The following TMED8 variants were observed in gnomAD, a reference collection of about 807,000 sequenced individuals.
TMED8 encodes the protein protein TMED8.
Under a neutral mutation model 32.7 loss-of-function variants are expected in TMED8, and 15 were observed. That is an observed-to-expected ratio of 0.46 (90% confidence interval 0.31 to 0.71). The LOEUF is 0.71. Ranked by LOEUF, TMED8 falls within the 30% of genes least tolerant of loss-of-function variation. The pLI is 0.06. For synonymous variants in TMED8, 147 were observed against 161.4 expected (o/e 0.91, Z 0.68); for missense variants, 390 against 423.9 (o/e 0.92, Z 0.70).
chr14:77,361,477 T>C (rs1453864442), intron 1 of TMED8, among the ~76,000 whole-genome samples: 1 of 152,220 alleles, frequency 6.6e-6, no homozygotes, highest in Non-Finnish European at 1.5e-5. Flanking sequence ...TACTATAGCT[T>C]TTAATAGAAT....
In TMED8 at chr14:77,345,680, A is replaced by AAG. The variant is rs1163153008; in HGVS notation, c.327+668_327+669insCT. 4.9e-5 allele frequency among the ~76,000 whole-genome samples: 7 copies of AAG among 144,258 alleles called. No homozygotes were observed. In the East Asian group the frequency reaches 1.4e-3, roughly 28 times the overall value. 94.6% of individuals were successfully genotyped at this position (144,258 alleles called of 152,430 possible). ...GTCTCAAAAAAAAAAAAAAAAAAAA[A>AAG]AAATCAAGGCCAGGCACAGTGGCTC... On this transcript the variant is annotated intron_variant, in intron 3 of 5. Coordinates refer to ENST00000216468, the MANE Select transcript of TMED8 (RefSeq NM_213601.3).
At chr14:77,361,704 TAG>T (rs56044080) in intron 1 of TMED8, among the ~76,000 whole-genome samples, 109,232 of 151,938 alleles carry the variant, frequency 0.72, 39,878 homozygotes, top group African/African-American at 0.83. Flanking sequence ...GAACACAGGA[TAG>T]ATCTTCCCAT....
At position 77,349,857 on chromosome 14, in the gene TMED8, G is replaced by A. The variant is rs114650653; in HGVS notation, c.197+1816C>T. Among the ~76,000 whole-genome samples the A allele has an allele frequency of 6.7e-3, 1,021 of 152,284 alleles. 7 individuals are homozygous for A. Among genetic ancestry groups the A allele is most frequent in the African/African-American group, 0.024 (981 of 41,570 alleles). On this transcript the variant is annotated intron_variant, in intron 2 of 5. Transcript: ENST00000216468. ...AAATTGATGATATCTTAAAAGTGCC[G>A]TGGGCCTGGATTGACATCAACTCTT...
chr14:77,367,688 T>G (rs1893587204), intron 1 of TMED8, among the ~76,000 whole-genome samples: 1 of 151,868 alleles, frequency 6.6e-6, no homozygotes, highest in Admixed American at 6.6e-5. Flanking sequence ...GTTTGTTAAC[T>G]TTCTTTCTTT....
chr14:77,369,919 G>GGAGGCGGAGGCGGGAGGGCC (rs1222298246), intron 1 of TMED8, among the ~76,000 whole-genome samples: 7 of 151,992 alleles, frequency 4.6e-5, no homozygotes, highest in Admixed American at 3.9e-4. Context: ...TGCCTGTAAG[G>GGAGGCGGAGGCGGGAGGGCC]GAGGCGGAGG....
intron 1 of TMED8, among the ~76,000 whole-genome samples, chr14:77,367,307 T>TG (rs1893577056): frequency 2.1e-5 from 3 of 145,400 alleles, no homozygotes; most frequent in Non-Finnish European, 4.5e-5. Context: ...AACGCAAATG[T>TG]AGAAGAGTAC....
intron 2 of TMED8, among the ~76,000 whole-genome samples, chr14:77,347,553 C>T (rs1260036201): frequency 3.9e-5 from 6 of 152,224 alleles, no homozygotes; most frequent in Non-Finnish European, 8.8e-5. Flanking sequence ...CAGGCATGTG[C>T]CACGACACCC....
intron 1 of TMED8, among the ~76,000 whole-genome samples, chr14:77,366,781 C>T (rs1294000503): frequency 2.6e-5 from 4 of 152,114 alleles, no homozygotes; most frequent in Admixed American, 1.3e-4. Flanking sequence ...TATAGAACCA[C>T]TGAAGTTGAT....
At chr14:77,353,834 C>T (rs144241310) in intron 1 of TMED8, among the ~76,000 whole-genome samples, 2 of 152,270 alleles carry the variant, frequency 1.3e-5, no homozygotes, top group African/African-American at 4.8e-5. Context: ...TCTAATTTTT[C>T]TCCCAACAAA....
intron 1 of TMED8, among the ~76,000 whole-genome samples, chr14:77,363,796 T>C (rs1893491096): frequency 6.6e-6 from 1 of 152,028 alleles, no homozygotes; most frequent in Non-Finnish European, 1.5e-5. Flanking sequence ...TGCTAGGATT[T>C]AGGTGCATGC....
chr14:77,372,079 T>G (rs1458790153), intron 1 of TMED8, among the ~76,000 whole-genome samples: 1 of 152,160 alleles, frequency 6.6e-6, no homozygotes, highest in Non-Finnish European at 1.5e-5. Flanking sequence ...GGCAAAGTCA[T>G]TACCATGGTT....
At chr14:77,350,482 C>T (rs1373461729) in intron 2 of TMED8, among the ~76,000 whole-genome samples, 2 of 151,926 alleles carry the variant, frequency 1.3e-5, no homozygotes, top group Middle Eastern at 3.2e-3. Flanking sequence ...TTAATTTTTG[C>T]CTGGGAATAA....
At chr14:77,351,322 T>C (rs895077185) in intron 2 of TMED8, among the ~76,000 whole-genome samples, 1 of 148,542 alleles carries the variant, frequency 6.7e-6, no homozygotes, top group African/African-American at 2.5e-5. Context: ...CCGTCTCTAC[T>C]AAAAAATACA....
chr14:77,372,907 T>C (rs1264984190), intron 1 of TMED8, among the ~76,000 whole-genome samples: 4 of 41,888 alleles, frequency 9.5e-5, no homozygotes, highest in South Asian at 8.4e-4. Context: ...CCACAGATAT[T>C]ATATATATAT....
chr14:77,370,552 T>C (rs930069245), intron 1 of TMED8, among the ~76,000 whole-genome samples: 2 of 152,170 alleles, frequency 1.3e-5, no homozygotes, highest in South Asian at 4.1e-4. Context: ...TATGTACACA[T>C]ATATTTATAT....
intron 1 of TMED8, among the ~76,000 whole-genome samples, chr14:77,358,163 C>T (rs1893336594): frequency 7.3e-6 from 1 of 136,140 alleles, no homozygotes; most frequent in Admixed American, 7.6e-5. Context: ...ATTTAAAGAC[C>T]ACAATCAATG....
chr14:77,345,877 G>A (rs1055875762), intron 3 of TMED8, among the ~76,000 whole-genome samples: 1 of 147,540 alleles, frequency 6.8e-6, no homozygotes, highest in Non-Finnish European at 1.5e-5. Flanking sequence ...GGCGAGGTGG[G>A]ACAATCACTT....
intron 1 of TMED8, among the ~76,000 whole-genome samples, chr14:77,356,034 G>A (rs185880887): frequency 6.6e-6 from 1 of 152,128 alleles, no homozygotes; most frequent in Non-Finnish European, 1.5e-5. Context: ...GAAAAACAAG[G>A]GGACCTCTGA....
In TMED8 at chr14:77,343,391, G is replaced by C. The variant is rs768516236; in HGVS notation, c.547C>G (p.Leu183Val). ...ACCACCTCACCACGCTTCACCACCA[G>C]ACGGCTGTTCTTCTCTTTGCCCAGC... is the stretch of plus-strand genomic sequence containing the variant. ...SKLGKEKNSR[L>V]VVKRGEVVTI... Residue 183 changes from leucine to valine, a missense_variant, in exon 5 of 6, where the codon CTG (leucine) becomes GTG (valine). Leu to Val is a conservative substitution (Grantham distance 32, BLOSUM62 1). Transcript: ENST00000216468. 1.9e-6 allele frequency: 3 copies of C among 1,613,994 alleles called. No individual in the cohort carries two copies. Among genetic ancestry groups the C allele is most frequent in the Admixed American group, 3.3e-5 (2 of 59,994 alleles).
Sources: allele counts gnomAD v4.1 joint callset (sites outside exome capture counted in the v4.1 genomes callset), GRCh38; gene constraint gnomAD v4.1.1; transcripts MANE v1.5; gene names NCBI Gene and HGNC (gene_info 2026-07-23, HGNC 2026-07-21).